The following CAPZA1 variants were observed in gnomAD, a reference collection of about 807,000 sequenced individuals.
CAPZA1 encodes the protein capping actin protein of muscle Z-line subunit alpha 1, also known as F-actin-capping protein subunit alpha-1.
CAPZA1 carries 10 observed loss-of-function variants against 40.8 expected under a neutral mutation model. That is an observed-to-expected ratio of 0.25 (90% CI 0.15 to 0.42). CAPZA1 has a LOEUF of 0.42. CAPZA1 is among the 10% of genes least tolerant of loss of function. The pLI, the probability that CAPZA1 is intolerant of heterozygous loss-of-function variation, is 1.00. For missense variants in CAPZA1, 277 were observed against 353.8 expected (o/e 0.78, Z 1.74); for synonymous variants, 98 against 115.0 (o/e 0.85, Z 0.95).
chr1:112,643,885 C>T (rs1570712490), intron 1 of CAPZA1, among the ~76,000 whole-genome samples: 1 of 149,754 alleles, frequency 6.7e-6, no homozygotes, highest in African/African-American at 2.6e-5. Context: ...CACTCTGTCG[C>T]CCAAGCTGGA....
chr1:112,620,038 G>C, intron 1 of CAPZA1, 155 bp downstream of exon 1: 1 of 608,126 alleles, frequency 1.6e-6, no homozygotes, highest in South Asian at 2.1e-5. Flanking sequence ...TCCCTCTTAG[G>C]GGGCTTTCCT....
rs187507403 is a variant in CAPZA1 at position 112,658,785 on chromosome 1, G to A, written c.427-237G>A. Among the ~76,000 whole-genome samples the A allele has an allele frequency of 2.8e-4, 42 of 152,094 alleles. 1 individual carries two copies. The highest frequency in any genetic ancestry group is 2.6e-4 in the Non-Finnish European group (18 of 67,976). On this transcript the variant is annotated intron_variant, in intron 5 of 9. Transcript: ENST00000263168. ...GTATGACCCAGCCTAAATGGCACCC[G>A]CCTTGTACCCCAAACCAAGAGCAGT...
chr1:112,632,512 G>T (rs1670939970), intron 1 of CAPZA1, among the ~76,000 whole-genome samples: 1 of 152,066 alleles, frequency 6.6e-6, no homozygotes, highest in Admixed American at 6.5e-5. Context: ...AGATATCAAG[G>T]GTGGGCAGAT....
At chr1:112,650,455 T>C (rs947434655) in intron 3 of CAPZA1, among the ~76,000 whole-genome samples, 2 of 152,214 alleles carry the variant, frequency 1.3e-5, no homozygotes, top group Non-Finnish European at 2.9e-5. Flanking sequence ...ATCGGAGATA[T>C]ACTCTAATGA....
intron 1 of CAPZA1, among the ~76,000 whole-genome samples, chr1:112,623,175 G>A (rs1432642226): frequency 1.3e-5 from 2 of 152,160 alleles, no homozygotes; most frequent in Non-Finnish European, 2.9e-5. Flanking sequence ...GTGAGTCACT[G>A]CACCTGCCAA....
chr1:112,658,007 G>A (rs886350019), intron 5 of CAPZA1, among the ~76,000 whole-genome samples: 2 of 152,130 alleles, frequency 1.3e-5, no homozygotes, highest in Admixed American at 1.3e-4. Flanking sequence ...AGACTTCGGT[G>A]TCACAAAAAC....
At chr1:112,621,444 G>T (rs1670660670) in intron 1 of CAPZA1, among the ~76,000 whole-genome samples, 2 of 152,092 alleles carry the variant, frequency 1.3e-5, no homozygotes, top group Admixed American at 1.3e-4. Flanking sequence ...TAGAGAGTGG[G>T]TTTCGTCTTG....
At chr1:112,669,795 G>A (rs1671795646) in intron 9 of CAPZA1, among the ~76,000 whole-genome samples, 190 bp downstream of exon 9, 1 of 152,210 alleles carries the variant, frequency 6.6e-6, no homozygotes, top group South Asian at 2.1e-4. Flanking sequence ...GCTTGGGACT[G>A]TAGCCCTCAT....
At chr1:112,626,122 C>G (rs955343568) in intron 1 of CAPZA1, 3 of 152,192 alleles carry the variant, frequency 2.0e-5, no homozygotes, top group African/African-American at 7.2e-5. Context: ...CATTACTCAT[C>G]ATCTAGAGGA....
chr1:112,632,061 T>G (rs1670929056), intron 1 of CAPZA1, among the ~76,000 whole-genome samples: 1 of 152,162 alleles, frequency 6.6e-6, no homozygotes, highest in Non-Finnish European at 1.5e-5. Flanking sequence ...TCCCAGCACT[T>G]TGGGAAGTCA....
intron 2 of CAPZA1, among the ~76,000 whole-genome samples, chr1:112,648,870 G>T (rs180889054): frequency 1.3e-4 from 20 of 152,002 alleles, no homozygotes; most frequent in Non-Finnish European, 2.5e-4. Context: ...GGCTGAGGCC[G>T]GAGAATCTCT....
At chr1:112,669,939 C>A in intron 9 of CAPZA1, 53 bp from the exon 10 acceptor site, 1 of 1,606,108 alleles carries the variant, frequency 6.2e-7, no homozygotes, top group Non-Finnish European at 8.5e-7. Flanking sequence ...CTTTTCTGTT[C>A]ACAACCAGCC....
In CAPZA1 at chr1:112,649,624, A is replaced by G. The variant is rs1183506376; in HGVS notation, c.155+155A>G. Reference sequence around the variant, plus strand: ...GTTGTTTTTTTTAATTGGAGAAAACATGTTCCCCCAATTGTTGTTTACTTC... The same window carrying G: ...GTTGTTTTTTTTAATTGGAGAAAACGTGTTCCCCCAATTGTTGTTTACTTC... On this transcript the variant is annotated intron_variant, in intron 3 of 9. Coordinates refer to ENST00000263168, the MANE Select transcript of CAPZA1 (RefSeq NM_006135.3). 9.3e-6 allele frequency: 6 copies of G among 643,972 alleles called. No homozygotes were observed. In the Admixed American group the frequency reaches 1.5e-4, roughly 17 times the overall value. 39.9% of individuals were successfully genotyped at this position (643,972 alleles called of 1,614,324 possible).
At chr1:112,650,376 C>T (rs1671360734) in intron 3 of CAPZA1, among the ~76,000 whole-genome samples, 1 of 152,182 alleles carries the variant, frequency 6.6e-6, no homozygotes, top group African/African-American at 2.4e-5. Context: ...AGAATTTGCA[C>T]AGCTTTACTG....
intron 1 of CAPZA1, among the ~76,000 whole-genome samples, chr1:112,621,761 G>GTTTTTTTTTTTTTT: frequency 8.1e-6 from 1 of 122,882 alleles, no homozygotes; most frequent in South Asian, 2.6e-4. Context: ...TTGGGTTATG[G>GTTTTTTTTTTTTTT]TTTTTTTTTT....
At chr1:112,634,675 G>T (rs2101146069) in intron 1 of CAPZA1, 1 of 152,220 alleles carries the variant, frequency 6.6e-6, no homozygotes, top group Middle Eastern at 3.4e-3. Context: ...ACCATATATT[G>T]TCTCATTTAA....
At chr1:112,648,058 C>T (rs963379659) in intron 2 of CAPZA1, among the ~76,000 whole-genome samples, 22 of 152,234 alleles carry the variant, frequency 1.4e-4, no homozygotes, top group African/African-American at 3.9e-4. Context: ...AGAAAGTTAG[C>T]TACTCGAGAG....
intron 1 of CAPZA1, among the ~76,000 whole-genome samples, chr1:112,623,833 G>A (rs1267430856): frequency 2.0e-5 from 3 of 151,140 alleles, no homozygotes; most frequent in East Asian, 2.0e-4. Flanking sequence ...GTGAAACACC[G>A]TCTCTACTAA....
intron 1 of CAPZA1, among the ~76,000 whole-genome samples, chr1:112,645,770 CA>C (rs1671267856): frequency 1.4e-5 from 2 of 148,056 alleles, no homozygotes; most frequent in South Asian, 4.2e-4. Flanking sequence ...AAGGAATTAC[CA>C]AAAATCTTGG....
Sources: gnomAD v4.1 joint callset for allele counts (sites outside exome capture counted in the v4.1 genomes callset) on GRCh38, gnomAD v4.1.1 for gene constraint, MANE v1.5 for transcripts, NCBI Gene and HGNC (gene_info 2026-07-23, HGNC 2026-07-21) for gene names.